Variants in SCFD2 observed in about 807,000 individuals in gnomAD.
The protein encoded by SCFD2 is sec1 family domain-containing protein 2.
A neutral mutation model predicts 58.9 loss-of-function variants in SCFD2; 54 were observed. The observed-to-expected ratio is 0.92, with a 90% CI of 0.74 to 1.15. The LOEUF (loss-of-function observed/expected upper bound fraction) is 1.15. Ranked by LOEUF, SCFD2 falls within the 50% of genes most tolerant of loss-of-function variation. The pLI, the probability that SCFD2 is intolerant of heterozygous loss-of-function variation, is 0.00. For missense variants in SCFD2, 805 were observed against 836.6 expected, an observed-to-expected ratio of 0.96 and a Z score of 0.47; for synonymous variants, 321 against 335.9, an observed-to-expected ratio of 0.96 and a Z score of 0.49.
chr4:53,339,941 G>A (rs549791140), intron 2 of SCFD2, among the ~76,000 whole-genome samples: 1 of 152,244 alleles, frequency 6.6e-6, no homozygotes, highest in Non-Finnish European at 1.5e-5. Flanking sequence ...CAAAAGTTTT[G>A]TTAAATGATC....
At chr4:53,130,911 A>G (rs1352252707) in intron 5 of SCFD2, among the ~76,000 whole-genome samples, 3 of 152,340 alleles carry the variant, frequency 2.0e-5, no homozygotes, top group Non-Finnish European at 1.5e-5. Context: ...AACACTGATC[A>G]TGCTGTTGGG....
At chr4:52,942,421 T>C (rs901449391) in intron 5 of SCFD2, among the ~76,000 whole-genome samples, 1 of 152,136 alleles carries the variant, frequency 6.6e-6, no homozygotes, top group Non-Finnish European at 1.5e-5. Flanking sequence ...CTATCTTAGC[T>C]GGAAGTGCTA....
At chr4:53,106,535 A>G (rs1411223545) in intron 5 of SCFD2, among the ~76,000 whole-genome samples, 1 of 152,244 alleles carries the variant, frequency 6.6e-6, no homozygotes, top group Non-Finnish European at 1.5e-5. Flanking sequence ...AAATGATCTG[A>G]TGGAGCTGAA....
At chr4:52,988,059 ACT>A (rs1721538110) in intron 5 of SCFD2, among the ~76,000 whole-genome samples, 2 of 152,232 alleles carry the variant, frequency 1.3e-5, no homozygotes, top group South Asian at 4.2e-4. Flanking sequence ...GCTTCCCTAA[ACT>A]CTAACCTTGC....
chr4:52,969,132 TC>T (rs1237503142), intron 5 of SCFD2, among the ~76,000 whole-genome samples: 2 of 152,134 alleles, frequency 1.3e-5, no homozygotes, highest in African/African-American at 2.4e-5. Context: ...CCGTGATGTC[TC>T]CCCTTAGTAA....
intron 4 of SCFD2, among the ~76,000 whole-genome samples, chr4:53,189,371 T>C (rs1727828022): frequency 6.6e-6 from 1 of 152,154 alleles, no homozygotes; most frequent in East Asian, 1.9e-4. Flanking sequence ...ACAATAAATA[T>C]GGGGGAAAGG....
At chr4:53,180,146 C>T (rs555021209) in intron 4 of SCFD2, among the ~76,000 whole-genome samples, 39 of 152,130 alleles carry the variant, frequency 2.6e-4, no homozygotes, top group Non-Finnish European at 4.9e-4. Flanking sequence ...CTGCACCAAG[C>T]GGACCTAATA....
chr4:52,900,971 C>T (rs1016220922), intron 7 of SCFD2, among the ~76,000 whole-genome samples: 1 of 152,176 alleles, frequency 6.6e-6, no homozygotes, highest in Non-Finnish European at 1.5e-5. Flanking sequence ...CCTGGTGTGC[C>T]GTTTGTTAAG....
At chr4:52,954,721 T>C (rs756532185) in intron 5 of SCFD2, among the ~76,000 whole-genome samples, 2 of 152,070 alleles carry the variant, frequency 1.3e-5, no homozygotes, top group Non-Finnish European at 2.9e-5. Flanking sequence ...ATCAAAGAAA[T>C]GCATAAATTA....
intron 4 of SCFD2, among the ~76,000 whole-genome samples, chr4:53,220,529 T>C (rs1729017684): frequency 6.6e-6 from 1 of 152,232 alleles, no homozygotes; most frequent in African/African-American, 2.4e-5. Flanking sequence ...TTTAACAATT[T>C]ATCATAAATG....
rs150500200 is a variant in SCFD2, at chr4:53,118,611, A to T, written c.1561+26722T>A. On this transcript the variant is annotated intron_variant, in intron 5 of 8. Transcript: ENST00000401642. ...AATAAAGGTAACATATTAGTGGCTG[A>T]GTGCTTACTAAGGGTGGGCTGAGCA... Among the ~76,000 whole-genome samples, 811 of 152,330 alleles carry T rather than the reference A, an allele frequency of 5.3e-3. 14 individuals carry two copies. The highest frequency in any genetic ancestry group is 0.036 in the Admixed American group (551 of 15,302).
In SCFD2 at chr4:53,108,205, C is replaced by T. The variant is rs756596739; in HGVS notation, c.1561+37128G>A. ...CAAAGACACAATGTACCAGAATCAA[C>T]GGGACACAACTAAAGCAGTGTTTAG... On this transcript the variant is annotated intron_variant, in intron 5 of 8. Transcript: ENST00000401642. Among the ~76,000 whole-genome samples the T allele has an allele frequency of 3.3e-5, 5 of 152,016 alleles. No homozygotes were observed. The South Asian group carries it at 6.2e-4, about 19-fold the overall frequency.
At chr4:53,250,408 C>G (rs912557877) in intron 4 of SCFD2, among the ~76,000 whole-genome samples, 8 of 152,132 alleles carry the variant, frequency 5.3e-5, no homozygotes, top group African/African-American at 1.9e-4. Context: ...AGAAAGTTAA[C>G]AAGGATACCC....
At chr4:53,256,376 G>A (rs1286864425) in intron 4 of SCFD2, among the ~76,000 whole-genome samples, 1 of 151,826 alleles carries the variant, frequency 6.6e-6, no homozygotes, top group Non-Finnish European at 1.5e-5. Context: ...TGGCGGCCGG[G>A]CAGAGACGCT....
intron 5 of SCFD2, among the ~76,000 whole-genome samples, chr4:53,086,183 GA>G (rs1456436208): frequency 6.6e-6 from 1 of 151,980 alleles, no homozygotes; most frequent in African/African-American, 2.4e-5. Flanking sequence ...AATTGTACAG[GA>G]AAAAAATCTA....
At chr4:52,941,671 A>G (rs1720296646) in intron 5 of SCFD2, among the ~76,000 whole-genome samples, 1 of 152,234 alleles carries the variant, frequency 6.6e-6, no homozygotes, top group East Asian at 1.9e-4. Context: ...GCTCCATCTG[A>G]AACAGACTGC....
At chr4:53,323,334 T>C (rs181913491) in intron 2 of SCFD2, among the ~76,000 whole-genome samples, 4 of 152,256 alleles carry the variant, frequency 2.6e-5, no homozygotes, top group Admixed American at 2.6e-4. Context: ...AGTGTTGAAG[T>C]GTTACAACTC....
intron 4 of SCFD2, among the ~76,000 whole-genome samples, chr4:53,236,391 A>AGT (rs1189746317): frequency 1.3e-5 from 2 of 150,728 alleles, no homozygotes; most frequent in Non-Finnish European, 1.5e-5. Flanking sequence ...AGCATATGTA[A>AGT]GTGTGTGTGT....
intron 3 of SCFD2, among the ~76,000 whole-genome samples, chr4:53,309,990 C>T (rs1226010773): frequency 6.6e-6 from 1 of 152,094 alleles, no homozygotes; most frequent in Non-Finnish European, 1.5e-5. Context: ...GTGATTCACC[C>T]TCAGATATAA....
Sources: allele counts gnomAD v4.1 joint callset (sites outside exome capture counted in the v4.1 genomes callset), GRCh38; gene constraint gnomAD v4.1.1; transcripts MANE v1.5; gene names NCBI Gene and HGNC (gene_info 2026-07-23, HGNC 2026-07-21).